AKAP8: variants seen among roughly 807,000 people sequenced by gnomAD.
AKAP8 encodes the protein A-kinase anchoring protein 8.
Under a neutral mutation model 67.5 loss-of-function variants are expected in AKAP8, and 24 were observed. The ratio of observed to expected loss-of-function variants is 0.36; its 90% CI spans 0.26 to 0.50. The LOEUF is 0.50. Ranked by LOEUF, AKAP8 falls within the 20% of genes least tolerant of loss-of-function variation. AKAP8 has a pLI of 0.97. For missense variants in AKAP8, 971 were observed against 955.9 expected (o/e 1.02, Z -0.21); for synonymous variants, 400 against 371.1 (o/e 1.08, Z -0.90).
At chr19:15,363,459 A>C (rs1599560713) in intron 9 of AKAP8, among the ~76,000 whole-genome samples, 1 of 138,478 alleles carries the variant, frequency 7.2e-6, no homozygotes, top group African/African-American at 2.8e-5. Context: ...CTGCCCGGCC[A>C]GCCGCCCCGT....
In AKAP8 at chr19:15,379,580, C is replaced by G. The variant is rs546032140; in HGVS notation, c.19+133G>C. ...AATGAGCGGCGCGCGCGCGCCCTGGCCGCCTCTCCGGAGGGCCCAGCTGGG... is the reference window on the plus strand; with the variant it reads ...AATGAGCGGCGCGCGCGCGCCCTGGGCGCCTCTCCGGAGGGCCCAGCTGGG... On this transcript the variant is annotated intron_variant, in intron 1 of 13. Coordinates refer to ENST00000269701, the MANE Select transcript of AKAP8 (RefSeq NM_005858.4). The G allele has an allele frequency of 3.3e-5, 34 of 1,023,812 alleles. No individual in the cohort carries two copies. The South Asian group carries it at 6.2e-4, about 19-fold the overall frequency. 63.4% of individuals were successfully genotyped at this position (1,023,812 alleles called of 1,614,324 possible).
chr19:15,378,490 T>C (rs995335210), intron 1 of AKAP8, among the ~76,000 whole-genome samples: 5 of 152,104 alleles, frequency 3.3e-5, no homozygotes, highest in African/African-American at 9.7e-5. Context: ...ATACAATACC[T>C]GCAGAAAAGA....
In AKAP8 at chr19:15,357,908, C is replaced by A. The variant is rs571848912; in HGVS notation, c.1623+1059G>T. Among the ~76,000 whole-genome samples the A allele has an allele frequency of 4.6e-5, 7 of 151,920 alleles. No homozygotes were observed. The East Asian group carries it at 1.4e-3, about 29-fold the overall frequency. The stretch of plus-strand genomic sequence containing the variant: ...TGTTGTCCGGGCTGGTCTTGAACTC[C>A]TGAACTCAAAGTGATCCGCCCACCC... On this transcript the variant is annotated intron_variant, in intron 13 of 13. Transcript: ENST00000269701.
At position 15,373,931 on chromosome 19, in the gene AKAP8, G is replaced by T. The variant is rs540992457; in HGVS notation, c.226C>A (p.His76Asn). ...GGCTCTGGGCCGTAAGAGGCCATGT[G>T]CATGGCAGGGGCCCCGGCCGCCAGG... ...GGLAAGAPAM[H>N]MASYGPEPCT... Residue 76 changes from histidine to asparagine, a missense_variant, in exon 4 of 14, where the codon CAC (histidine) becomes AAC (asparagine). Around this residue, in one of 3 missense-constraint regions of AKAP8, gnomAD observed 763 missense variants for 745.4 expected, o/e 1.02. Transcript: ENST00000269701. 1 of 1,613,930 alleles carries T rather than the reference G, an allele frequency of 6.2e-7. No individual in the cohort carries two copies. Among genetic ancestry groups the T allele is most frequent in the Non-Finnish European group, 8.5e-7 (1 of 1,179,942 alleles).
At position 15,370,021 on chromosome 19, in the gene AKAP8, A is replaced by G. The variant is rs1296526326; in HGVS notation, c.1072+125T>C. 5.1e-6 allele frequency: 6 copies of G among 1,166,104 alleles called. No homozygotes were observed. The African/African-American group carries it at 9.1e-5, about 18-fold the overall frequency. The allele number at this position is 1,166,104 out of a possible 1,614,324, so 72.2% of individuals were successfully genotyped here. On this transcript the variant is annotated intron_variant, in intron 8 of 13. Coordinates refer to ENST00000269701, the MANE Select transcript of AKAP8 (RefSeq NM_005858.4). ...CGGTCAAGGCCCATCTGGTGGCTGC[A>G]GCCCCTCTTCCCCCACAGCCACGGG... is the stretch of plus-strand genomic sequence containing the variant.
chr19:15,358,509 G>GTTCCCCGCT (rs1966914327), intron 13 of AKAP8, among the ~76,000 whole-genome samples: 1 of 151,906 alleles, frequency 6.6e-6, no homozygotes, highest in Non-Finnish European at 1.5e-5. Flanking sequence ...ATAATTCCCG[G>GTTCCCCGCT]TTCCCCGCTT....
At chr19:15,364,133 GA>G (rs1967030443) in intron 9 of AKAP8, among the ~76,000 whole-genome samples, 1 of 82,290 alleles carries the variant, frequency 1.2e-5, no homozygotes, top group East Asian at 5.9e-4. Flanking sequence ...AAAGAAACAG[GA>G]TTTTCAGTAA....
chr19:15,360,365 G>A (rs192104747), intron 12 of AKAP8, among the ~76,000 whole-genome samples: 29 of 152,330 alleles, frequency 1.9e-4, no homozygotes, highest in Admixed American at 1.2e-3. Context: ...TAGAGCTGTT[G>A]CTGGATAGGG....
In AKAP8 at chr19:15,354,612, C is replaced by A; in HGVS notation, c.*303G>T. The A allele has an allele frequency of 2.8e-6, 1 of 356,518 alleles. No individual in the cohort carries two copies. Among genetic ancestry groups the A allele is most frequent in the South Asian group, 6.8e-5 (1 of 14,700 alleles). 22.1% of individuals were successfully genotyped at this position (356,518 alleles called of 1,614,324 possible). A position where few individuals can be genotyped will look rare whatever the true frequency, so the allele number is the denominator to read the frequency against. On this transcript the variant is annotated 3_prime_UTR_variant, in exon 14 of 14. Transcript: ENST00000269701. ...GCATTCCATCAGTGGCTGTATTGAA[C>A]AAGTAATGTATCATCAAGATATAAT... is the stretch of plus-strand genomic sequence containing the variant.
chr19:15,360,857 G>C lies in AKAP8; in HGVS notation c.1518C>G (p.His506Gln), dbSNP rs1399340934. 1 of 1,613,144 alleles carries C rather than the reference G, an allele frequency of 6.2e-7. No homozygotes were observed. Among genetic ancestry groups the C allele is most frequent in the Non-Finnish European group, 8.5e-7 (1 of 1,179,656 alleles). ...QRHLHSVDHN[H>Q]NRRLAAEQFK... is the part of the protein sequence containing the mutation. Reference sequence around the variant, plus strand: ...GGGGAGGAAGACTCACCCTGCGGTTGTGATTGTGGTCCACGGAGTGCAGGT... The same window carrying C: ...GGGGAGGAAGACTCACCCTGCGGTTCTGATTGTGGTCCACGGAGTGCAGGT... Residue 506 changes from histidine (H) to glutamine (Q), a missense_variant, in exon 12 of 14, where the codon CAC becomes CAG. Coordinates refer to ENST00000269701, the MANE Select transcript of AKAP8 (RefSeq NM_005858.4).
intron 9 of AKAP8, among the ~76,000 whole-genome samples, chr19:15,365,868 C>T (rs1213437838): frequency 4.6e-5 from 7 of 151,862 alleles, no homozygotes; most frequent in Non-Finnish European, 7.4e-5. Context: ...ACTAAAAGTA[C>T]AAAAATTAGC....
intron 13 of AKAP8, among the ~76,000 whole-genome samples, 178 bp from the exon 14 acceptor site, chr19:15,355,548 G>A (rs1451825149): frequency 7.3e-6 from 1 of 137,650 alleles, no homozygotes; most frequent in African/African-American, 2.7e-5. Flanking sequence ...ACACCTCGGG[G>A]AGATATTCTG....
At chr19:15,378,335 G>C (rs1374765132) in intron 1 of AKAP8, among the ~76,000 whole-genome samples, 1 of 152,200 alleles carries the variant, frequency 6.6e-6, no homozygotes, top group African/African-American at 2.4e-5. Flanking sequence ...TCTAGTGTAA[G>C]TGGCACGCAC....
At position 15,379,773 on chromosome 19, in the gene AKAP8, C is replaced by G; in HGVS notation, c.-42G>C. 1 of 1,609,306 alleles carries G rather than the reference C, an allele frequency of 6.2e-7. No individual in the cohort carries two copies. Among genetic ancestry groups the G allele is most frequent in the Non-Finnish European group, 8.5e-7 (1 of 1,178,370 alleles). ...ACCAGCAGCCCCGTTTACTAGGCGA[C>G]CACAGCACGCATGCGTTCAGCGCAC... is the stretch of plus-strand genomic sequence containing the variant. On this transcript the variant is annotated 5_prime_UTR_variant, in exon 1 of 14. Transcript: ENST00000269701.
chr19:15,366,132 C>G lies in AKAP8; in HGVS notation c.1160+2103G>C, dbSNP rs1003253745. Among the ~76,000 whole-genome samples, 33 of 20,450 alleles carry G rather than the reference C, an allele frequency of 1.6e-3. No homozygotes were observed. The South Asian group carries it at 0.036, about 23-fold the overall frequency. The allele number at this position is 20,450 out of a possible 152,430, so 13.4% of individuals were successfully genotyped here. ...GTCACCTGTTCATTGGAAGAACATA[C>G]AAGATGAAAAAAAAGCAAAAAGAAA... On this transcript the variant is annotated intron_variant, in intron 9 of 13. Transcript: ENST00000269701.
At chr19:15,370,262 T>A in intron 7 of AKAP8, 83 bp from the exon 8 acceptor site, 1 of 1,504,354 alleles carries the variant, frequency 6.6e-7, no homozygotes, top group Non-Finnish European at 9.2e-7. Flanking sequence ...GGCCACTGCC[T>A]GGTGGGCAGT....
chr19:15,374,210 T>C, intron 3 of AKAP8, 145 bp from the exon 4 acceptor site: 2 of 1,030,462 alleles, frequency 1.9e-6, no homozygotes, highest in Middle Eastern at 2.9e-4. Context: ...CACACTGCAC[T>C]GTGACCTGCC....
chr19:15,362,221 G>A lies in AKAP8; in HGVS notation c.1191C>T (p.Phe397=), dbSNP rs1328901813. ...GGATCTCTTCGTCATCAAAGCTACG[G>A]AACTTGCATACAGAACAGGCAAACT... is the stretch of plus-strand genomic sequence containing the variant. ...RIQFACSVCK[F]RSFDDEEIQK... Residue 397 remains phenylalanine, a synonymous_variant, in exon 10 of 14, where the codon TTC becomes TTT. Coordinates refer to ENST00000269701, the MANE Select transcript of AKAP8 (RefSeq NM_005858.4). The A allele has an allele frequency of 1.9e-6, 3 of 1,613,976 alleles. No homozygotes were observed.
intron 9 of AKAP8, among the ~76,000 whole-genome samples, chr19:15,365,918 G>A (rs1967059571): frequency 1.3e-5 from 2 of 151,944 alleles, no homozygotes; most frequent in Middle Eastern, 3.2e-3. Flanking sequence ...AGCTACTTGG[G>A]AGGCGGAGGT....
Sources: gnomAD v4.1 joint callset for allele counts (sites outside exome capture counted in the v4.1 genomes callset) on GRCh38, gnomAD v4.1.1 for gene constraint, gnomAD v4.1.1 regional missense constraint, MANE v1.5 for transcripts, NCBI Gene and HGNC (gene_info 2026-07-23, HGNC 2026-07-21) for gene names.